The following SUFU variants were observed in gnomAD, a reference collection of about 807,000 sequenced individuals.
The protein encoded by SUFU is SUFU negative regulator of hedgehog signaling.
A neutral mutation model predicts 58.9 loss-of-function variants in SUFU; 7 were observed. The observed-to-expected ratio is 0.12, with a 90% CI of 0.07 to 0.22. The LOEUF (loss-of-function observed/expected upper bound fraction) is 0.22. Ranked by LOEUF, SUFU falls within the 10% of genes least tolerant of loss-of-function variation. The pLI, the probability that SUFU is intolerant of heterozygous loss-of-function variation, is 1.00. For synonymous variants in SUFU, 232 were observed against 254.8 expected (o/e 0.91, Z 0.85); for missense variants, 451 against 641.3 (o/e 0.70, Z 3.20).
rs1180808569 is a variant in SUFU at position 102,631,351 on chromosome 10, CGTG to C, written c.*1199_*1201del. 4.3e-6 allele frequency: 1 copy of C among 233,828 alleles called. No homozygotes were observed. The highest frequency in any genetic ancestry group is 5.6e-5 in the Admixed American group (1 of 17,812). 14.5% of individuals were successfully genotyped at this position (233,828 alleles called of 1,614,324 possible). ...TCTCCTTTCTGGCATCCTGGCCTCT[CGTG>C]GTCCTCAGCCCCTCACCCCCAGTAC... On this transcript the variant is annotated 3_prime_UTR_variant, in exon 12 of 12. Transcript: ENST00000369902.
chr10:102,560,332 G>A (rs1436354295), intron 3 of SUFU, among the ~76,000 whole-genome samples: 1 of 152,156 alleles, frequency 6.6e-6, no homozygotes, highest in Admixed American at 6.5e-5. Context: ...CACTTTGGGA[G>A]GCTGAGATGG....
chr10:102,539,788 A>G (rs2062779368), intron 2 of SUFU, among the ~76,000 whole-genome samples: 1 of 152,232 alleles, frequency 6.6e-6, no homozygotes, highest in African/African-American at 2.4e-5. Context: ...ACATCCACAT[A>G]TCTATATATT....
chr10:102,591,615 A>G (rs1015994232), intron 3 of SUFU: 6 of 152,168 alleles, frequency 3.9e-5, no homozygotes, highest in African/African-American at 1.4e-4. Flanking sequence ...AAATTCGTGA[A>G]GTGTTCCATA....
At chr10:102,627,686 C>T (rs1432924123) in intron 11 of SUFU, among the ~76,000 whole-genome samples, 1 of 152,194 alleles carries the variant, frequency 6.6e-6, no homozygotes, top group Non-Finnish European at 1.5e-5. Flanking sequence ...CTGCTCTCGC[C>T]TCGGGCCACC....
At chr10:102,594,969 C>T (rs1310806601) in intron 6 of SUFU, among the ~76,000 whole-genome samples, 2 of 152,218 alleles carry the variant, frequency 1.3e-5, no homozygotes, top group African/African-American at 4.8e-5. Flanking sequence ...ATCCGCCCGC[C>T]TCGGCCTCCC....
intron 2 of SUFU, among the ~76,000 whole-genome samples, chr10:102,528,833 G>A (rs567665130): frequency 6.6e-6 from 1 of 152,236 alleles, no homozygotes; most frequent in South Asian, 2.1e-4. Flanking sequence ...GTTGGTTGGG[G>A]TATAGCGCAA....
intron 8 of SUFU, among the ~76,000 whole-genome samples, chr10:102,612,243 C>A (rs1485019865): frequency 1.3e-5 from 2 of 151,632 alleles, no homozygotes; most frequent in Non-Finnish European, 2.9e-5. Flanking sequence ...ATAGCAGCCG[C>A]GTTTCCATCG....
intron 2 of SUFU, among the ~76,000 whole-genome samples, chr10:102,547,315 A>G (rs372039601): frequency 6.6e-6 from 1 of 152,064 alleles, no homozygotes; most frequent in Non-Finnish European, 1.5e-5. Context: ...AGCTCTTCCA[A>G]CTTCAGTTTG....
Position 102,617,914 on chromosome 10 carries a change from C to A in SUFU, c.1296+486C>A, listed in dbSNP as rs2063703305. 1 of 246,468 alleles carries A rather than the reference C, an allele frequency of 4.1e-6. No individual in the cohort carries two copies. The highest frequency in any genetic ancestry group is 4.9e-5 in the Admixed American group (1 of 20,280). The allele number at this position is 246,468 out of a possible 1,614,324, so 15.3% of individuals were successfully genotyped here. ...GAAGAGCCTCCCCTTCTTAGCCTAC[C>A]CCCATCTGACAGCCCTCCCGTTCCT... On this transcript the variant is annotated intron_variant, in intron 10 of 11. Transcript: ENST00000369902. The surrounding 1 kb of genome is among the most constrained non-coding windows in gnomAD (Gnocchi z 4.4).
At position 102,619,385 on chromosome 10, in the gene SUFU, C is replaced by A; in HGVS notation, c.1296+1957C>A. On this transcript the variant is annotated intron_variant, in intron 10 of 11. Transcript: ENST00000369902. The surrounding 1 kb of genome is among the most constrained non-coding windows in gnomAD (Gnocchi z 4.2). ...TGGTCCCCTCCCATGGGCTGTTGCC[C>A]AGGGAACCGGGGCGCGGTGGGAACG... 7.2e-7 allele frequency: 1 copy of A among 1,394,668 alleles called. No individual in the cohort carries two copies. The highest frequency in any genetic ancestry group is 2.6e-5 in the East Asian group (1 of 37,892). The allele number at this position is 1,394,668 out of a possible 1,614,324, so 86.4% of individuals were successfully genotyped here.
intron 10 of SUFU, among the ~76,000 whole-genome samples, chr10:102,621,475 A>G (rs143424014): frequency 6.6e-6 from 1 of 152,074 alleles, no homozygotes; most frequent in East Asian, 1.9e-4. Flanking sequence ...AATGAGCGAG[A>G]CCTGTGCCCC....
At chr10:102,508,306 C>T (rs1422084348) in intron 1 of SUFU, among the ~76,000 whole-genome samples, 1 of 152,086 alleles carries the variant, frequency 6.6e-6, no homozygotes, top group African/African-American at 2.4e-5. Context: ...GCACTGATTA[C>T]TAAAGGGAAC....
intron 2 of SUFU, among the ~76,000 whole-genome samples, chr10:102,529,252 T>C (rs1443924927): frequency 2.0e-5 from 3 of 152,268 alleles, no homozygotes; most frequent in Middle Eastern, 3.4e-3. Context: ...TTGACTGAAT[T>C]CTGTTGTAAT....
intron 2 of SUFU, among the ~76,000 whole-genome samples, chr10:102,519,962 G>T (rs1049499516): frequency 1.2e-4 from 18 of 151,780 alleles, no homozygotes; most frequent in Non-Finnish European, 2.2e-4. Context: ...AGTAGAGAGG[G>T]GGTTTCGCCA....
At position 102,630,268 on chromosome 10, in the gene SUFU, G is replaced by T; in HGVS notation, c.*113G>T. 1.0e-6 allele frequency: 1 copy of T among 982,366 alleles called. No homozygotes were observed. Among genetic ancestry groups the T allele is most frequent in the Non-Finnish European group, 1.6e-6 (1 of 631,134 alleles). 60.9% of individuals were successfully genotyped at this position (982,366 alleles called of 1,614,324 possible). A position where few individuals can be genotyped will look rare whatever the true frequency, so the allele number is the denominator to read the frequency against. On this transcript the variant is annotated 3_prime_UTR_variant, in exon 12 of 12. Transcript: ENST00000369902. ...CAAATAAAAGGACAAGTGTGAGGAA[G>T]ACTGCGCAGTGCCACCCCGCAGCCC...
intron 8 of SUFU, among the ~76,000 whole-genome samples, chr10:102,613,077 G>A (rs2063642933): frequency 6.6e-6 from 1 of 152,214 alleles, no homozygotes; most frequent in African/African-American, 2.4e-5. Flanking sequence ...TGGCCCTGGT[G>A]GAAGGGAAAG....
At chr10:102,524,391 T>C (rs1236118969) in intron 2 of SUFU, among the ~76,000 whole-genome samples, 1 of 148,076 alleles carries the variant, frequency 6.8e-6, no homozygotes, top group African/African-American at 2.5e-5. Flanking sequence ...AGTGGTGCAA[T>C]CTCGGCTCAC....
chr10:102,509,038 C>T (rs1343342611), intron 1 of SUFU, 131 bp from the exon 2 acceptor site: 1 of 1,245,912 alleles, frequency 8.0e-7, no homozygotes, highest in East Asian at 2.3e-5. Context: ...AGAGATGTGG[C>T]CTCTGTTTAG....
chr10:102,573,310 G>T, intron 3 of SUFU: 4 of 545,816 alleles, frequency 7.3e-6, no homozygotes, highest in Non-Finnish European at 6.7e-6. Flanking sequence ...ATCAAAAAAA[G>T]AAAAAACAAA....
Sources: allele counts gnomAD v4.1 joint callset (sites outside exome capture counted in the v4.1 genomes callset), GRCh38; gene constraint gnomAD v4.1.1; non-coding constraint Gnocchi (gnomAD v3.1); transcripts MANE v1.5; gene names NCBI Gene and HGNC (gene_info 2026-07-23, HGNC 2026-07-21).